Variants in FGGY observed in about 807,000 individuals in gnomAD.
FGGY encodes FGGY carbohydrate kinase domain containing.
FGGY carries 72 observed loss-of-function variants against 71.3 expected under a neutral mutation model. The ratio of observed to expected loss-of-function variants is 1.01; its 90% CI spans 0.84 to 1.23. The LOEUF (loss-of-function observed/expected upper bound fraction) is 1.23, where lower values mean the gene tolerates loss of function less well. FGGY is among the 50% of genes most tolerant of loss of function. The probability of loss-of-function intolerance (pLI) is 0.00; values close to 1 mark genes in which losing one functional copy is unlikely to be tolerated. For missense variants in FGGY, 668 were observed against 682.3 expected (o/e 0.98, Z 0.23); for synonymous variants, 251 against 250.3 (o/e 1.00, Z -0.02).
intron 7 of FGGY, among the ~76,000 whole-genome samples, chr1:59,525,857 A>G (rs2094962443): frequency 6.6e-6 from 1 of 152,200 alleles, no homozygotes; most frequent in African/African-American, 2.4e-5. Flanking sequence ...GTCTCTGTAT[A>G]TGTGCATATT....
intron 6 of FGGY, among the ~76,000 whole-genome samples, chr1:59,489,214 A>G (rs565479940): frequency 1.3e-5 from 2 of 152,206 alleles, no homozygotes; most frequent in Non-Finnish European, 2.9e-5. Context: ...AACATTTGTC[A>G]TTTCTTTGTG....
intron 8 of FGGY, among the ~76,000 whole-genome samples, chr1:59,601,983 C>G (rs2096582656): frequency 6.6e-6 from 1 of 152,180 alleles, no homozygotes; most frequent in Non-Finnish European, 1.5e-5. Context: ...CAGGAGTTAG[C>G]CCAAGACAAT....
chr1:59,587,906 G>T (rs1242000970), intron 8 of FGGY, among the ~76,000 whole-genome samples: 7 of 152,184 alleles, frequency 4.6e-5, no homozygotes, highest in Non-Finnish European at 1.0e-4. Context: ...TCCTCCAAAG[G>T]ATCGCAGTTC....
chr1:59,564,455 C>T (rs149321230), intron 8 of FGGY, among the ~76,000 whole-genome samples: 10 of 152,336 alleles, frequency 6.6e-5, no homozygotes, highest in East Asian at 3.9e-4. Flanking sequence ...CCAAAGAAAA[C>T]GTTCCCCAGA....
At chr1:59,564,216 T>G (rs1482265949) in intron 8 of FGGY, among the ~76,000 whole-genome samples, 1 of 152,208 alleles carries the variant, frequency 6.6e-6, no homozygotes, top group Admixed American at 6.5e-5. Flanking sequence ...AAAGAGCATC[T>G]GCACAGTCAA....
chr1:59,712,035 G>A (rs1221874338), intron 14 of FGGY, among the ~76,000 whole-genome samples: 2 of 152,174 alleles, frequency 1.3e-5, no homozygotes, highest in East Asian at 3.8e-4. Context: ...CTGCCTATGA[G>A]CATGTAAAAT....
intron 4 of FGGY, among the ~76,000 whole-genome samples, chr1:59,369,086 T>G (rs1008200361): frequency 3.9e-5 from 6 of 152,088 alleles, no homozygotes; most frequent in Non-Finnish European, 8.8e-5. Flanking sequence ...CAGCGCACTG[T>G]GCGCAAGCCG....
chr1:59,412,747 G>T (rs2063785852), intron 5 of FGGY, among the ~76,000 whole-genome samples: 2 of 152,042 alleles, frequency 1.3e-5, no homozygotes, highest in African/African-American at 4.8e-5. Context: ...TGTATTTGGG[G>T]GAGCAGAAAT....
At chr1:59,460,578 G>T (rs113333098) in intron 6 of FGGY, among the ~76,000 whole-genome samples, 3,698 of 152,302 alleles carry the variant, frequency 0.024, 166 homozygotes, top group African/African-American at 0.085. Context: ...TTTGAGCTCT[G>T]AGAACTGGAC....
At chr1:59,579,928 T>G (rs1275010862) in intron 8 of FGGY, among the ~76,000 whole-genome samples, 1 of 152,212 alleles carries the variant, frequency 6.6e-6, no homozygotes, top group Non-Finnish European at 1.5e-5. Context: ...TTCTCACTGT[T>G]CACACCACTG....
At chr1:59,316,727 C>T (rs1451599108) in intron 1 of FGGY, among the ~76,000 whole-genome samples, 1 of 152,160 alleles carries the variant, frequency 6.6e-6, no homozygotes, top group Non-Finnish European at 1.5e-5. Flanking sequence ...ATGCTGAGGA[C>T]TTGGACAGGA....
intron 1 of FGGY, among the ~76,000 whole-genome samples, chr1:59,307,619 A>T (rs972385453): frequency 6.6e-6 from 1 of 152,242 alleles, no homozygotes; most frequent in African/African-American, 2.4e-5. Flanking sequence ...CACATCTTGC[A>T]CAGAGTAAAT....
rs150373977 is a variant in FGGY at position 59,468,739 on chromosome 1, G to A, written c.670+11663G>A. On this transcript the variant is annotated intron_variant, in intron 6 of 15. Transcript: ENST00000303721. ...TACAAAAAATCAGCCAGGTGTGGTC[G>A]CGGGCGCCTGTAGTCCCAGCTACTT... Among the ~76,000 whole-genome samples, 1,269 of 152,018 alleles carry A rather than the reference G, an allele frequency of 8.3e-3. 15 individuals are homozygous for A. The highest frequency in any genetic ancestry group is 0.029 in the African/African-American group (1,188 of 41,426).
chr1:59,646,320 T>A (rs1489897175), intron 11 of FGGY, among the ~76,000 whole-genome samples: 1 of 151,680 alleles, frequency 6.6e-6, no homozygotes, highest in African/African-American at 2.4e-5. Context: ...TATTCGGACT[T>A]TTTTTTTACA....
chr1:59,718,533 C>T (rs2097861118), intron 14 of FGGY, among the ~76,000 whole-genome samples: 1 of 152,162 alleles, frequency 6.6e-6, no homozygotes, highest in Non-Finnish European at 1.5e-5. Context: ...ACAACTTGTT[C>T]CAGATAGAAG....
At chr1:59,756,381 C>T (rs190852953) in intron 14 of FGGY, among the ~76,000 whole-genome samples, 35 of 152,288 alleles carry the variant, frequency 2.3e-4, no homozygotes, top group African/African-American at 8.4e-4. Flanking sequence ...TGGAAGAGTC[C>T]ATAGAGCAAC....
At chr1:59,385,469 G>T (rs1371404703) in intron 5 of FGGY, among the ~76,000 whole-genome samples, 1 of 152,132 alleles carries the variant, frequency 6.6e-6, no homozygotes, top group East Asian at 1.9e-4. Flanking sequence ...CTTACAGCAG[G>T]TGGTGTCATT....
At chr1:59,667,191 C>G (rs115129480) in intron 12 of FGGY, 92 bp from the exon 13 acceptor site, 43 of 1,443,156 alleles carry the variant, frequency 3.0e-5, no homozygotes, top group Non-Finnish European at 4.1e-5. Flanking sequence ...GAGCTTAGTA[C>G]AGTGTCTAGC....
chr1:59,526,692 G>T (rs2094991194), intron 7 of FGGY, among the ~76,000 whole-genome samples: 1 of 152,228 alleles, frequency 6.6e-6, no homozygotes, highest in Non-Finnish European at 1.5e-5. Context: ...ACGTTAAAAT[G>T]CCCTTCATAA....
Sources: allele counts gnomAD v4.1 joint callset (sites outside exome capture counted in the v4.1 genomes callset), GRCh38; gene constraint gnomAD v4.1.1; transcripts MANE v1.5; gene names NCBI Gene and HGNC (gene_info 2026-07-23, HGNC 2026-07-21).